The following CHN2 variants were observed in gnomAD, a reference collection of about 807,000 sequenced individuals.
CHN2 encodes the protein beta-chimaerin.
CHN2 carries 35 observed loss-of-function variants against 56.3 expected under a neutral mutation model. That is an observed-to-expected ratio of 0.62 (90% confidence interval 0.47 to 0.82). CHN2 has a LOEUF of 0.82. Among genes scored for constraint, CHN2 ranks in the 40% least tolerant of loss-of-function variants. The pLI is 0.00. For missense variants in CHN2, 491 were observed against 580.5 expected (o/e 0.85, Z 1.58); for synonymous variants, 210 against 212.8 (o/e 0.99, Z 0.12).
intron 1 of CHN2, chr7:29,292,932 T>G (rs530493105): frequency 2.2e-6 from 1 of 456,304 alleles, no homozygotes; most frequent in Non-Finnish European, 4.4e-6. Context: ...CAGTCTATTC[T>G]GAACCCAGAA....
rs1322204492 is a variant in CHN2 at position 29,146,992 on chromosome 7, A to G, written c.274+32A>G. The G allele has an allele frequency of 3.2e-5, 49 of 1,550,680 alleles. No homozygotes were observed. The East Asian group carries it at 1.1e-3, about 34-fold the overall frequency. On this transcript the variant is annotated intron_variant, in intron 2 of 6. Transcript: ENST00000439384. Reference sequence around the variant, plus strand: ...TCGCACCAAGTGCCACTGTCCTGCCAAGCACTCTCCTGAATCACTGCGCTG... The same window carrying G: ...TCGCACCAAGTGCCACTGTCCTGCCGAGCACTCTCCTGAATCACTGCGCTG...
Position 29,458,415 on chromosome 7 carries a change from ACACC to A in CHN2, c.577-21862_577-21859del, listed in dbSNP as rs1336851346. 2.8e-5 allele frequency among the ~76,000 whole-genome samples: 4 copies of A among 141,952 alleles called. No individual in the cohort carries two copies. The East Asian group carries it at 8.3e-4, about 30-fold the overall frequency. The allele number at this position is 141,952 out of a possible 152,430, so 93.1% of individuals were successfully genotyped here. A position where few individuals can be genotyped will look rare whatever the true frequency, so the allele number is the denominator to read the frequency against. On this transcript the variant is annotated intron_variant, in intron 6 of 12. Coordinates refer to ENST00000222792, the MANE Select transcript of CHN2 (RefSeq NM_004067.4). ...CACACACACACACACACACACACAC[ACACC>A]CCATGCATTACAAATAGATGTAGAA...
At chr7:29,442,165 G>C (rs1293296923) in intron 6 of CHN2, among the ~76,000 whole-genome samples, 1 of 152,160 alleles carries the variant, frequency 6.6e-6, no homozygotes, top group Non-Finnish European at 1.5e-5. Context: ...CTTTAAAATG[G>C]TTCATTTGAT....
intron 1 of CHN2, among the ~76,000 whole-genome samples, chr7:29,220,280 A>AAGAG (rs60474405): frequency 0.17 from 23,036 of 138,056 alleles, 3,045 homozygotes; most frequent in African/African-American, 0.37. Context: ...AAAAAAAAAA[A>AAGAG]AGAGAGAGAG....
chr7:29,451,235 G>A (rs1784381704), intron 6 of CHN2, among the ~76,000 whole-genome samples: 1 of 152,156 alleles, frequency 6.6e-6, no homozygotes, highest in Non-Finnish European at 1.5e-5. Context: ...ATGATGCTGA[G>A]AACAGTGCCC....
At chr7:29,233,236 C>A (rs1786859546) in intron 1 of CHN2, among the ~76,000 whole-genome samples, 1 of 152,228 alleles carries the variant, frequency 6.6e-6, no homozygotes. Context: ...CACCTAACTC[C>A]TAGGCTGTTT....
intron 1 of CHN2, among the ~76,000 whole-genome samples, chr7:29,353,474 C>T (rs79932923): frequency 0.011 from 1,684 of 152,176 alleles, 34 homozygotes; most frequent in African/African-American, 0.039. Context: ...GCCAACATGG[C>T]GAAATGCCGT....
intron 2 of CHN2, among the ~76,000 whole-genome samples, chr7:29,171,193 G>A (rs187005354): frequency 1.1e-4 from 17 of 152,288 alleles, no homozygotes; most frequent in African/African-American, 3.9e-4. Context: ...CATACGCACT[G>A]CTCTTTCACA....
chr7:29,202,239 A>T (rs1187697431), intron 1 of CHN2, among the ~76,000 whole-genome samples: 1 of 152,152 alleles, frequency 6.6e-6, no homozygotes, highest in African/African-American at 2.4e-5. Flanking sequence ...TTTAAAAGAG[A>T]TTTTCTACCA....
chr7:29,511,251 G>A (rs2128601936), intron 12 of CHN2, among the ~76,000 whole-genome samples: 1 of 146,096 alleles, frequency 6.8e-6, no homozygotes, highest in Admixed American at 6.9e-5. Flanking sequence ...CAGGGTGATG[G>A]TAACATTTAG....
intron 2 of CHN2, among the ~76,000 whole-genome samples, chr7:29,172,882 G>A (rs527637836): frequency 6.6e-6 from 1 of 152,142 alleles, no homozygotes; most frequent in African/African-American, 2.4e-5. Flanking sequence ...TAGCTCACCA[G>A]CGTTTTGGGA....
intron 1 of CHN2, among the ~76,000 whole-genome samples, chr7:29,261,399 T>A (rs1789539384): frequency 6.6e-6 from 1 of 152,124 alleles, no homozygotes; most frequent in Non-Finnish European, 1.5e-5. Flanking sequence ...TATCTTCACC[T>A]CCCCTGCTAG....
At chr7:29,408,640 T>C (rs1802887165) in intron 6 of CHN2, among the ~76,000 whole-genome samples, 1 of 152,056 alleles carries the variant, frequency 6.6e-6, no homozygotes, top group Non-Finnish European at 1.5e-5. Flanking sequence ...ATATAAATGA[T>C]GGGAAACAAT....
chr7:29,367,396 G>A (rs1268799604), intron 2 of CHN2, among the ~76,000 whole-genome samples: 1 of 151,720 alleles, frequency 6.6e-6, no homozygotes, highest in African/African-American at 2.4e-5. Flanking sequence ...TGATAGACAG[G>A]GGGAAAATGG....
chr7:29,445,975 A>G (rs1448526178), intron 6 of CHN2, among the ~76,000 whole-genome samples: 1 of 151,968 alleles, frequency 6.6e-6, no homozygotes, highest in East Asian at 1.9e-4. Flanking sequence ...CTCTCTTGAA[A>G]GGCGAACATC....
intron 6 of CHN2, among the ~76,000 whole-genome samples, chr7:29,410,922 A>G (rs1359209864): frequency 1.3e-5 from 2 of 152,216 alleles, no homozygotes; most frequent in Non-Finnish European, 2.9e-5. Flanking sequence ...TCCTCCTCAA[A>G]TCCCTAAACT....
At chr7:29,474,295 A>C (rs754555022) in intron 6 of CHN2, among the ~76,000 whole-genome samples, 5 of 152,106 alleles carry the variant, frequency 3.3e-5, no homozygotes, top group Non-Finnish European at 5.9e-5. Context: ...CCCTATATTG[A>C]CTGTTTAGGC....
At chr7:29,299,260 T>C (rs1341613358) in intron 1 of CHN2, among the ~76,000 whole-genome samples, 3 of 152,182 alleles carry the variant, frequency 2.0e-5, no homozygotes, top group East Asian at 1.9e-4. Flanking sequence ...CTAAGGAACA[T>C]AACCAGTACT....
chr7:29,254,659 C>T (rs991103470), intron 1 of CHN2, among the ~76,000 whole-genome samples: 5 of 152,120 alleles, frequency 3.3e-5, no homozygotes, highest in African/African-American at 1.2e-4. Flanking sequence ...GCATTGGTTA[C>T]CGGGGACTGG....
Sources: gnomAD v4.1 joint callset for allele counts (sites outside exome capture counted in the v4.1 genomes callset) on GRCh38, gnomAD v4.1.1 for gene constraint, MANE v1.5 for transcripts, NCBI Gene and HGNC (gene_info 2026-07-23, HGNC 2026-07-21) for gene names.